Variants in CYP27A1 observed in about 807,000 individuals in gnomAD.
CYP27A1 encodes the protein sterol 26-hydroxylase, mitochondrial.
A neutral mutation model predicts 58.2 loss-of-function variants in CYP27A1; 46 were observed. The observed-to-expected ratio is 0.79, with a 90% CI of 0.62 to 1.01. CYP27A1 has a LOEUF of 1.01. Ranked by LOEUF, CYP27A1 falls within the 50% of genes least tolerant of loss-of-function variation. The pLI is 0.00. For missense variants in CYP27A1, 704 were observed against 687.0 expected (o/e 1.02, Z -0.28); for synonymous variants, 274 against 285.1 (o/e 0.96, Z 0.39).
At chr2:218,807,096 A>G (rs1319134119) in intron 1 of CYP27A1, among the ~76,000 whole-genome samples, 1 of 150,856 alleles carries the variant, frequency 6.6e-6, no homozygotes, top group East Asian at 1.9e-4. Context: ...AGTAGCTGGG[A>G]TTACAGGCGC....
In CYP27A1 at chr2:218,814,456, A is replaced by G. The variant is rs1030440091; in HGVS notation, c.1261A>G (p.Asn421Asp). The G allele has an allele frequency of 8.7e-6, 14 of 1,614,088 alleles. No homozygotes were observed. The highest frequency in any genetic ancestry group is 1.3e-5 in the African/African-American group (1 of 74,950). Residue 421 changes from asparagine to aspartate, a missense_variant and splice_region_variant, in exon 7 of 9, where the codon AAC becomes GAC. Asn to Asp is a conservative substitution (Grantham distance 23). Coordinates refer to ENST00000258415, the MANE Select transcript of CYP27A1 (RefSeq NM_000784.4). ...AGTTGATGGCTTCCTCTTCCCCAAG[A>G]ACGTGAGTGGGGCTAGAGAGCCCGA... ...IEVDGFLFPK[N>D]TQFVFCHYVV...
intron 5 of CYP27A1, 68 bp from the exon 6 acceptor site, chr2:218,813,953 T>A: frequency 6.3e-7 from 1 of 1,580,616 alleles, no homozygotes; most frequent in South Asian, 1.1e-5. Flanking sequence ...CACCCACTCA[T>A]ACACCCTCCC....
intron 6 of CYP27A1, 21 bp downstream of exon 6, chr2:218,814,208 G>T (rs1296219100): frequency 1.2e-6 from 2 of 1,613,770 alleles, no homozygotes; most frequent in Admixed American, 3.3e-5. Flanking sequence ...ATGCTGTTCT[G>T]GGGGGCACAG....
intron 1 of CYP27A1, among the ~76,000 whole-genome samples, chr2:218,802,288 C>T (rs1470020675): frequency 6.6e-6 from 1 of 150,960 alleles, no homozygotes; most frequent in Non-Finnish European, 1.5e-5. Context: ...AGGGTGCACC[C>T]TCCATAGAAG....
At chr2:218,791,020 G>C (rs2105972124) in intron 1 of CYP27A1, among the ~76,000 whole-genome samples, 1 of 152,174 alleles carries the variant, frequency 6.6e-6, no homozygotes, top group East Asian at 1.9e-4. Flanking sequence ...ATTTTTAATA[G>C]AGACGGGGCT....
intron 2 of CYP27A1, among the ~76,000 whole-genome samples, chr2:218,810,518 A>T (rs1418292275): frequency 6.6e-6 from 1 of 152,214 alleles, no homozygotes; most frequent in African/African-American, 2.4e-5. Context: ...TTTGAGTCAG[A>T]TGACTGGGGA....
chr2:218,812,142 G>A, intron 2 of CYP27A1, 80 bp from the exon 3 acceptor site: 2 of 1,056,126 alleles, frequency 1.9e-6, no homozygotes, highest in South Asian at 1.3e-5. Flanking sequence ...AGGGGGTGGT[G>A]GACTTCAGGG....
rs777432192 is a variant in CYP27A1 at position 218,814,675 on chromosome 2, G to A, written c.1394G>A (p.Gly465Asp). 3 of 1,614,118 alleles carry A rather than the reference G, an allele frequency of 1.9e-6. No homozygotes were observed. Among genetic ancestry groups the A allele is most frequent in the African/African-American group, 1.3e-5 (1 of 74,942 alleles). The change falls in exon 8 of 9, where the codon GGC becomes GAC. Residue 465 changes from glycine to aspartate, a missense_variant. Coordinates refer to ENST00000258415, the MANE Select transcript of CYP27A1 (RefSeq NM_000784.4). Reference protein sequence around the residue: ...PATPRIQHPFGSVPFGYGVRA... With the variant: ...PATPRIQHPFDSVPFGYGVRA... ...ACCCCCAGGATCCAGCACCCATTTG[G>A]CTCTGTGCCCTTTGGCTATGGGGTC...
chr2:218,806,951 ATTTTTTTTTTTTT>A (rs10647379), intron 1 of CYP27A1, among the ~76,000 whole-genome samples: 1 of 100,512 alleles, frequency 9.9e-6, no homozygotes, highest in East Asian at 2.5e-4. Flanking sequence ...CTCCTAGGGA[ATTTTTTTTTTTTT>A]TTTTTTTTTT....
chr2:218,798,404 C>A (rs183517484), intron 1 of CYP27A1, among the ~76,000 whole-genome samples: 1 of 152,274 alleles, frequency 6.6e-6, no homozygotes, highest in East Asian at 1.9e-4. Flanking sequence ...AATGGTAACT[C>A]CTGGCAATTT....
In CYP27A1 at chr2:218,809,432, A is replaced by G. The variant is rs1412371979; in HGVS notation, c.256-145A>G. The G allele has an allele frequency of 7.1e-6, 5 of 706,498 alleles. No individual in the cohort carries two copies. The East Asian group carries it at 1.3e-4, about 19-fold the overall frequency. The allele number at this position is 706,498 out of a possible 1,614,324, so 43.8% of individuals were successfully genotyped here. On this transcript the variant is annotated intron_variant, in intron 1 of 8. Transcript: ENST00000258415. ...CAGGCCATCCTGGTGCCTACATCAT[A>G]CACAATGCCCTTTTTTTTTTTTTTT...
chr2:218,803,722 CTTTTT>C (rs71040407), intron 1 of CYP27A1, among the ~76,000 whole-genome samples: 779 of 57,778 alleles, frequency 0.013, 14 homozygotes, highest in African/African-American at 0.061. Context: ...GTGCCCCCGT[CTTTTT>C]TTTTTTTTTT....
chr2:218,783,979 A>G (rs1424694453), intron 1 of CYP27A1, among the ~76,000 whole-genome samples: 1 of 152,182 alleles, frequency 6.6e-6, no homozygotes, highest in African/African-American at 2.4e-5. Context: ...AACACTGTCC[A>G]GGCTGTGGTG....
intron 1 of CYP27A1, among the ~76,000 whole-genome samples, chr2:218,806,951 A>ATTTTTTTTTT (rs10647379): frequency 4.0e-5 from 4 of 100,496 alleles, no homozygotes; most frequent in Admixed American, 1.2e-4. Flanking sequence ...CTCCTAGGGA[A>ATTTTTTTTTT]TTTTTTTTTT....
At chr2:218,814,259 G>C (rs1007682792) in intron 6 of CYP27A1, 72 bp downstream of exon 6, 47 of 1,608,210 alleles carry the variant, frequency 2.9e-5, no homozygotes, top group Non-Finnish European at 3.7e-5. Context: ...GAAATCTGAA[G>C]TGAAGACAGG....
chr2:218,800,887 T>C (rs1417466465), intron 1 of CYP27A1, among the ~76,000 whole-genome samples: 2 of 152,198 alleles, frequency 1.3e-5, no homozygotes, highest in East Asian at 1.9e-4. Context: ...GAAAAGTAAA[T>C]ATGAATATCT....
rs1414259537 is a variant in CYP27A1, at chr2:218,812,562, C to T, written c.657C>T (p.Tyr219=). The change falls in exon 4 of 9, where the codon TAC becomes TAT. Residue 219 remains tyrosine, a synonymous_variant. Coordinates refer to ENST00000258415, the MANE Select transcript of CYP27A1 (RefSeq NM_000784.4). ...CTGTGCACTACTCAGCTATTTGCTA[C>T]ATCCTGTTCGAGAAACGCATTGGCT... is the stretch of plus-strand genomic sequence containing the variant. ...FYYFALEAIC[Y]ILFEKRIGCL... 3 of 1,614,240 alleles carry T rather than the reference C, an allele frequency of 1.9e-6. No homozygotes were observed. Among genetic ancestry groups the T allele is most frequent in the Non-Finnish European group, 2.5e-6 (3 of 1,180,044 alleles).
At chr2:218,804,965 G>C (rs1178567632) in intron 1 of CYP27A1, among the ~76,000 whole-genome samples, 1 of 152,190 alleles carries the variant, frequency 6.6e-6, no homozygotes, top group Non-Finnish European at 1.5e-5. Context: ...CCTTCTTCCT[G>C]TGCCCTAGAG....
chr2:218,813,725 C>G (rs575878330), intron 5 of CYP27A1, among the ~76,000 whole-genome samples: 36 of 152,208 alleles, frequency 2.4e-4, no homozygotes, highest in Admixed American at 1.9e-3. Context: ...GCCATTGTGT[C>G]CAGCCAGCAC....
Sources: allele counts gnomAD v4.1 joint callset (sites outside exome capture counted in the v4.1 genomes callset), GRCh38; gene constraint gnomAD v4.1.1; transcripts MANE v1.5; gene names NCBI Gene and HGNC (gene_info 2026-07-23, HGNC 2026-07-21).